Variants in BAHCC1 observed in about 807,000 individuals in gnomAD.
The protein encoded by BAHCC1 is BAH and coiled-coil domain-containing protein 1.
BAHCC1 carries 43 observed loss-of-function variants against 88.2 expected under a neutral mutation model. The observed-to-expected ratio is 0.49, with a 90% CI of 0.38 to 0.63. BAHCC1 has a LOEUF of 0.63. BAHCC1 is among the 20% of genes least tolerant of loss of function. The probability of loss-of-function intolerance (pLI) is 0.00; values close to 1 mark genes in which losing one functional copy is unlikely to be tolerated. For missense variants in BAHCC1, 3,023 were observed against 1,654.8 expected (o/e 1.83, Z -14.34); for synonymous variants, 1,510 against 745.5 (o/e 2.03, Z -16.71).
intron 2 of BAHCC1, among the ~76,000 whole-genome samples, chr17:81,420,221 C>T (rs12942138): frequency 0.18 from 27,623 of 152,226 alleles, 2,699 homozygotes; most frequent in Non-Finnish European, 0.2. Context: ...GGCAAGGAGC[C>T]TGGAAGACAG....
chr17:81,429,005 G>A (rs2064231300), intron 3 of BAHCC1, among the ~76,000 whole-genome samples: 1 of 152,228 alleles, frequency 6.6e-6, no homozygotes, highest in African/African-American at 2.4e-5. Context: ...CTGAGCCGGA[G>A]GAGAGGACAG....
At chr17:81,398,490 C>A (rs958421872) in intron 1 of BAHCC1, among the ~76,000 whole-genome samples, 4 of 144,982 alleles carry the variant, frequency 2.8e-5, no homozygotes, top group Admixed American at 2.0e-4. Context: ...ACCCAGGCCG[C>A]CCGGTACTGC....
At position 81,461,344 on chromosome 17, in the gene BAHCC1, C is replaced by T; in HGVS notation, c.6681C>T (p.Leu2227=). 1.4e-6 allele frequency: 1 copy of T among 732,514 alleles called. No individual in the cohort carries two copies. Among genetic ancestry groups the T allele is most frequent in the Non-Finnish European group, 2.5e-6 (1 of 397,222 alleles). The allele number at this position is 732,514 out of a possible 1,614,324, so 45.4% of individuals were successfully genotyped here. The part of the protein sequence containing the change: ...SPKNKTCKAL[L]MGDKDFSPKL... ...AGAACAAGACCTGCAAGGCGTTGCTCATGGGGGACAAGGACTTCAGCCCCA... is the reference window on the plus strand; with the variant it reads ...AGAACAAGACCTGCAAGGCGTTGCTTATGGGGGACAAGGACTTCAGCCCCA... The change falls in exon 26 of 28, where the codon CTC becomes CTT. Residue 2227 remains leucine, a synonymous_variant. Transcript: ENST00000675386.
rs782723171 is a variant in BAHCC1 at position 81,410,695 on chromosome 17, G to A, written c.178+10778G>A. Among the ~76,000 whole-genome samples, 17 of 152,146 alleles carry A rather than the reference G, an allele frequency of 1.1e-4. 1 individual carries two copies. The South Asian group carries it at 2.1e-3, about 19-fold the overall frequency. On this transcript the variant is annotated intron_variant, in intron 2 of 27. Coordinates refer to ENST00000675386, the MANE Select transcript of BAHCC1 (RefSeq NM_001377448.1). ...TGCTGGGGGGCCTTCGTGGCCTTCC[G>A]GGTCTACTGGGCTCTGGGACTTCAG...
intron 3 of BAHCC1, among the ~76,000 whole-genome samples, chr17:81,432,565 A>ATCGCCGGGCCCACCCTCCCTCCCG (rs2064274622): frequency 6.7e-5 from 1 of 15,032 alleles, no homozygotes; most frequent in Non-Finnish European, 1.4e-4. Flanking sequence ...CCTCCCTCCC[A>ATCGCCGGGCCCACCCTCCCTCCCG]TCGCCGGGCC....
intron 2 of BAHCC1, among the ~76,000 whole-genome samples, chr17:81,406,328 T>C (rs1294585042): frequency 1.3e-5 from 2 of 152,182 alleles, no homozygotes; most frequent in Non-Finnish European, 2.9e-5. Flanking sequence ...CGCCCCTGTC[T>C]GTTGGGTAGG....
At chr17:81,440,757 A>ACC (rs1377490040) in intron 4 of BAHCC1, among the ~76,000 whole-genome samples, 1 of 151,772 alleles carries the variant, frequency 6.6e-6, no homozygotes, top group Non-Finnish European at 1.5e-5. Flanking sequence ...CCAGACACTC[A>ACC]CCCCCCACCA....
In BAHCC1 at chr17:81,463,790, G is replaced by A. The variant is rs369185836; in HGVS notation, c.7800G>A (p.Thr2600=). The change falls in exon 28 of 28, where the codon ACG becomes ACA. Residue 2600 remains threonine, a synonymous_variant. Coordinates refer to ENST00000675386, the MANE Select transcript of BAHCC1 (RefSeq NM_001377448.1). ...TYDPTTGRLV[T]ADGVPILC is the part of the protein sequence containing the mutation. Reference sequence around the variant, plus strand: ...ACCCCACCACCGGGCGCCTGGTGACGGCTGATGGCGTGCCCATCCTATGCT... The same window carrying A: ...ACCCCACCACCGGGCGCCTGGTGACAGCTGATGGCGTGCCCATCCTATGCT... 9 of 750,730 alleles carry A rather than the reference G, an allele frequency of 1.2e-5. No individual in the cohort carries two copies. The highest frequency in any genetic ancestry group is 3.4e-5 in the African/African-American group (2 of 58,500). 46.5% of individuals were successfully genotyped at this position (750,730 alleles called of 1,614,324 possible). A position where few individuals can be genotyped will look rare whatever the true frequency, so the allele number is the denominator to read the frequency against.
chr17:81,400,279 C>T (rs890174693), intron 2 of BAHCC1, among the ~76,000 whole-genome samples: 2 of 152,244 alleles, frequency 1.3e-5, no homozygotes, highest in Non-Finnish European at 1.5e-5. Flanking sequence ...CGTTCCGGGG[C>T]TGGGACAACG....
chr17:81,445,968 G>A (rs2143544406), intron 10 of BAHCC1, among the ~76,000 whole-genome samples: 1 of 152,372 alleles, frequency 6.6e-6, no homozygotes, highest in Admixed American at 6.5e-5. Flanking sequence ...CAGCAATGAA[G>A]GCGGGGCCTG....
At chr17:81,431,877 G>T (rs1000172139) in intron 3 of BAHCC1, among the ~76,000 whole-genome samples, 90 of 152,284 alleles carry the variant, frequency 5.9e-4, no homozygotes, top group African/African-American at 2.1e-3. Context: ...ACTTAGCCAG[G>T]GACTTGGGCT....
chr17:81,458,014 G>A (rs1427042270), intron 17 of BAHCC1, 151 bp from the exon 18 acceptor site: 2 of 605,648 alleles, frequency 3.3e-6, no homozygotes, highest in Non-Finnish European at 5.9e-6. Flanking sequence ...GGGTTGCTGG[G>A]TAACCAGGAG....
At chr17:81,397,625 C>T (rs1473014456) in intron 1 of BAHCC1, among the ~76,000 whole-genome samples, 2 of 152,122 alleles carry the variant, frequency 1.3e-5, no homozygotes, top group African/African-American at 2.4e-5. Context: ...GCCCCCACGT[C>T]CCTAGTCCAG....
intron 11 of BAHCC1, 69 bp downstream of exon 11, chr17:81,447,917 AC>A (rs1247194355): frequency 1.4e-6 from 1 of 700,430 alleles, no homozygotes; most frequent in Non-Finnish European, 2.6e-6. Flanking sequence ...CCTCAGGGTC[AC>A]CTGGCCAGAC....
chr17:81,444,162 A>G (rs1288869054), intron 6 of BAHCC1: 1 of 601,790 alleles, frequency 1.7e-6, no homozygotes, highest in Non-Finnish European at 3.0e-6. Context: ...GCCCCCAGTC[A>G]GCCCTGCAGA....
chr17:81,426,849 T>G lies in BAHCC1; in HGVS notation c.228T>G (p.Ser76Arg), dbSNP rs2143413005. Residue 76 changes from serine to arginine, a missense_variant, in exon 3 of 28, where the codon AGT becomes AGG. By Grantham distance (110) the Ser-to-Arg change is moderately radical (BLOSUM62 -1). Coordinates refer to ENST00000675386, the MANE Select transcript of BAHCC1 (RefSeq NM_001377448.1). ...GSSPASSFMG[S>R]FLTSSLGSAA... The stretch of plus-strand genomic sequence containing the variant: ...CTCCGGCCTCCTCGTTCATGGGCAG[T>G]TTCCTCACCAGCAGCCTGGGCTCGG... 2 of 399,460 alleles carry G rather than the reference T, an allele frequency of 5.0e-6. No individual in the cohort carries two copies. The highest frequency in any genetic ancestry group is 7.1e-5 in the East Asian group (2 of 28,106). The allele number at this position is 399,460 out of a possible 1,614,324, so 24.7% of individuals were successfully genotyped here.
intron 2 of BAHCC1, chr17:81,410,168 G>C (rs1227879192): frequency 4.3e-6 from 1 of 231,028 alleles, no homozygotes; most frequent in African/African-American, 2.3e-5. Flanking sequence ...ACCTGTGGGG[G>C]TCCTAGGAGC....
chr17:81,397,123 C>T (rs2143130066), intron 1 of BAHCC1: 1 of 152,340 alleles, frequency 6.6e-6, no homozygotes, highest in East Asian at 1.9e-4. Flanking sequence ...CGCGGGCAGA[C>T]GCGGAGGCGC....
At chr17:81,448,676 C>T (rs190203878) in intron 11 of BAHCC1, among the ~76,000 whole-genome samples, 184 of 152,200 alleles carry the variant, frequency 1.2e-3, no homozygotes, top group African/African-American at 3.7e-3. Flanking sequence ...AGAATGTTCT[C>T]GAACAGTGCA....
Sources: allele counts gnomAD v4.1 joint callset (sites outside exome capture counted in the v4.1 genomes callset), GRCh38; gene constraint gnomAD v4.1.1; transcripts MANE v1.5; gene names NCBI Gene and HGNC (gene_info 2026-07-23, HGNC 2026-07-21).